ASB8: variants seen among roughly 807,000 people sequenced by gnomAD.
ASB8 encodes ankyrin repeat and SOCS box containing 8.
Under a neutral mutation model 22.9 loss-of-function variants are expected in ASB8, and 15 were observed. That is an observed-to-expected ratio of 0.66 (90% CI 0.44 to 1.01). ASB8 has a LOEUF of 1.01. Among genes scored for constraint, ASB8 ranks in the 50% least tolerant of loss-of-function variants. The probability of loss-of-function intolerance (pLI) is 0.00; values close to 1 mark genes in which losing one functional copy is unlikely to be tolerated. For synonymous variants in ASB8, 124 were observed against 140.8 expected, an observed-to-expected ratio of 0.88 and a Z score of 0.84; for missense variants, 294 against 356.9, an observed-to-expected ratio of 0.82 and a Z score of 1.42.
Position 48,149,198 on chromosome 12 carries a change from TGG to T in ASB8, c.*166_*167del. 2 of 694,714 alleles carry T rather than the reference TGG, an allele frequency of 2.9e-6. No individual in the cohort carries two copies. The highest frequency in any genetic ancestry group is 2.3e-6 in the Non-Finnish European group (1 of 436,222). The allele number at this position is 694,714 out of a possible 1,614,324, so 43.0% of individuals were successfully genotyped here. Reference sequence around the variant, plus strand: ...GAGGGATTTTTTTTGTTGGGTTGTTTGGTTTGGGAAGGGGAGGTGCTATGGAG... The same window carrying T: ...GAGGGATTTTTTTTGTTGGGTTGTTTTTTGGGAAGGGGAGGTGCTATGGAG... On this transcript the variant is annotated 3_prime_UTR_variant, in exon 4 of 4. Transcript: ENST00000317697.
At chr12:48,155,496 C>T (rs191788357) in intron 1 of ASB8, among the ~76,000 whole-genome samples, 77 of 152,014 alleles carry the variant, frequency 5.1e-4, no homozygotes, top group African/African-American at 1.5e-3. Context: ...CCGAGATGGG[C>T]GGATCACTTG....
intron 3 of ASB8, 120 bp from the exon 4 acceptor site, chr12:48,150,118 C>G (rs1396985794): frequency 9.5e-7 from 1 of 1,057,110 alleles, no homozygotes; most frequent in South Asian, 1.3e-5. Flanking sequence ...ACAGGAGGGT[C>G]AGCAAGCAAC....
Position 48,148,712 on chromosome 12 carries a change from G to A in ASB8, c.*654C>T, listed in dbSNP as rs535414183. ...CAGTTTTGCTCTTGTTGTCCAGGCT[G>A]GAGTGCAATGGCGCGATCTTGGCTC... On this transcript the variant is annotated 3_prime_UTR_variant, in exon 4 of 4. Coordinates refer to ENST00000317697, the MANE Select transcript of ASB8 (RefSeq NM_024095.5). The A allele has an allele frequency of 7.3e-6, 1 of 137,884 alleles. No individual in the cohort carries two copies. Among genetic ancestry groups the A allele is most frequent in the Non-Finnish European group, 1.5e-5 (1 of 66,392 alleles). 8.5% of individuals were successfully genotyped at this position (137,884 alleles called of 1,614,324 possible). A position where few individuals can be genotyped will look rare whatever the true frequency, so the allele number is the denominator to read the frequency against.
rs1341769081 is a variant in ASB8, at chr12:48,149,496, G to A, written c.737C>T (p.Ala246Val). ...LCEKLTVLCSAPGTLKTLARY... is the reference protein window; with the variant it reads ...LCEKLTVLCSVPGTLKTLARY... ...AGCGAGTGTTTTTAGAGTTCCTGGA[G>A]CTGAGCACAGAACAGTCAGTTTTTC... Residue 246 changes from alanine to valine, a missense_variant, in exon 4 of 4, where the codon GCT (alanine) becomes GTT (valine). By Grantham distance (64) the Ala-to-Val change is moderately conservative. Transcript: ENST00000317697. 6.2e-7 allele frequency: 1 copy of A among 1,614,198 alleles called. No individual in the cohort carries two copies. The highest frequency in any genetic ancestry group is 1.1e-5 in the South Asian group (1 of 91,086).
chr12:48,156,598 A>G (rs973645325), intron 1 of ASB8, among the ~76,000 whole-genome samples: 3 of 152,092 alleles, frequency 2.0e-5, no homozygotes, highest in Admixed American at 6.6e-5. Context: ...CCAAAACCCA[A>G]TCGTCTCTAC....
At chr12:48,150,604 A>G (rs1951184403) in intron 3 of ASB8, among the ~76,000 whole-genome samples, 1 of 152,244 alleles carries the variant, frequency 6.6e-6, no homozygotes, top group Admixed American at 6.5e-5. Flanking sequence ...AGTGCTGGAA[A>G]AGCAGCTGGC....
At chr12:48,150,383 A>G (rs1204071834) in intron 3 of ASB8, among the ~76,000 whole-genome samples, 4 of 152,244 alleles carry the variant, frequency 2.6e-5, no homozygotes. Flanking sequence ...TTGACTATAC[A>G]GAGTTTTGGA....
rs765580360 is a variant in ASB8, at chr12:48,149,461, C to T, written c.772G>A (p.Val258Met). 20 of 1,613,998 alleles carry T rather than the reference C, an allele frequency of 1.2e-5. No individual in the cohort carries two copies. The highest frequency in any genetic ancestry group is 8.9e-5 in the East Asian group (4 of 44,898). ...GTLKTLARYA[V>M]RRSLGLQYLP... ...TACTGGAGTCCCAGGCTACGGCGCA[C>T]GGCATAGCGAGCGAGTGTTTTTAGA... The change falls in exon 4 of 4, where the codon GTG (valine) becomes ATG (methionine). Residue 258 changes from valine to methionine, a missense_variant. Physicochemically the swap from Val to Met is conservative, Grantham distance 21 (BLOSUM62 1). Coordinates refer to ENST00000317697, the MANE Select transcript of ASB8 (RefSeq NM_024095.5).
chr12:48,149,550 C>A lies in ASB8; in HGVS notation c.683G>T (p.Arg228Leu). The change falls in exon 4 of 4, where the codon CGA (arginine) becomes CTA (leucine). Residue 228 changes from arginine (R) to leucine (L), a missense_variant. By Grantham distance (102) the Arg-to-Leu change is moderately radical (BLOSUM62 -2). Transcript: ENST00000317697. ...FELRKNGTMP[R>L]EVARDPQLCE... Reference sequence around the variant, plus strand: ...TAGCTGCGGGTCTCTGGCCACCTCTCGTGGCATGGTGCCATTTTTCCTCAA... The same window carrying A: ...TAGCTGCGGGTCTCTGGCCACCTCTAGTGGCATGGTGCCATTTTTCCTCAA... The A allele has an allele frequency of 6.2e-7, 1 of 1,614,144 alleles. No individual in the cohort carries two copies. Among genetic ancestry groups the A allele is most frequent in the African/African-American group, 1.3e-5 (1 of 75,044 alleles).
At chr12:48,150,980 G>T (rs546007906) in intron 3 of ASB8, 2 of 603,404 alleles carry the variant, frequency 3.3e-6, no homozygotes, top group South Asian at 4.0e-5. Context: ...TACAATGGGG[G>T]CAAGCAGGGT....
intron 2 of ASB8, 30 bp from the exon 3 acceptor site, chr12:48,151,335 T>A (rs1364830616): frequency 6.5e-7 from 1 of 1,547,578 alleles, no homozygotes; most frequent in African/African-American, 1.4e-5. Flanking sequence ...TCAGTCAGTG[T>A]GTTCAGCTCT....
Position 48,156,737 on chromosome 12 carries a change from C to T in ASB8, c.-34+722G>A, listed in dbSNP as rs568685420. ...CTCTTGGGCTCTGGGCTAAGAACTC[C>T]TGAGAGTATGGTCAGTGGTCTGCTG... is the stretch of plus-strand genomic sequence containing the variant. On this transcript the variant is annotated intron_variant, in intron 1 of 3. Transcript: ENST00000317697. 2.6e-5 allele frequency among the ~76,000 whole-genome samples: 4 copies of T among 152,240 alleles called. No individual in the cohort carries two copies. In the South Asian group the frequency reaches 8.3e-4, roughly 32 times the overall value.
chr12:48,152,037 C>T (rs527302050), intron 2 of ASB8, among the ~76,000 whole-genome samples: 29 of 151,930 alleles, frequency 1.9e-4, no homozygotes, highest in Admixed American at 4.6e-4. Context: ...CTGTAATCCC[C>T]GCTACTCGGG....
At chr12:48,154,547 T>C (rs1446289556) in intron 1 of ASB8, among the ~76,000 whole-genome samples, 2 of 148,662 alleles carry the variant, frequency 1.3e-5, no homozygotes, top group African/African-American at 5.0e-5. Context: ...AAAGCAAAAG[T>C]ATAACTACCC....
intron 2 of ASB8, 59 bp from the exon 3 acceptor site, chr12:48,151,364 G>T: frequency 7.2e-7 from 1 of 1,392,130 alleles, no homozygotes; most frequent in Non-Finnish European, 1.0e-6. Context: ...CAGCAGGACA[G>T]AATTCAGAAC....
In ASB8 at chr12:48,148,650, T is replaced by C. The variant is rs1951139334; in HGVS notation, c.*716A>G. On this transcript the variant is annotated 3_prime_UTR_variant, in exon 4 of 4. Transcript: ENST00000317697. The stretch of plus-strand genomic sequence containing the variant: ...TTTCTTAAGTTTTTTCACAGATCAA[T>C]TAAAATGGTTTTTTTTTTTTTTTTT... The C allele has an allele frequency of 1.4e-5, 2 of 144,292 alleles. No homozygotes were observed. Among genetic ancestry groups the C allele is most frequent in the Admixed American group, 7.2e-5 (1 of 13,896 alleles). The allele number at this position is 144,292 out of a possible 1,614,324, so 8.9% of individuals were successfully genotyped here. A position where few individuals can be genotyped will look rare whatever the true frequency, so the allele number is the denominator to read the frequency against.
At chr12:48,155,745 ATAT>A (rs1951292743) in intron 1 of ASB8, among the ~76,000 whole-genome samples, 1 of 131,064 alleles carries the variant, frequency 7.6e-6, no homozygotes, top group Non-Finnish European at 1.7e-5. Flanking sequence ...AAAAAAAAAT[ATAT>A]ATATATATAT....
At chr12:48,151,865 G>C (rs2136077961) in intron 2 of ASB8, among the ~76,000 whole-genome samples, 1 of 152,194 alleles carries the variant, frequency 6.6e-6, no homozygotes, top group South Asian at 2.1e-4. Flanking sequence ...CAAAATCAAA[G>C]GAGAGGCCGA....
chr12:48,151,058 A>G (rs1182024830), intron 3 of ASB8, 143 bp downstream of exon 3: 1 of 660,958 alleles, frequency 1.5e-6, no homozygotes, highest in East Asian at 2.7e-5. Context: ...ATTTTCCTTA[A>G]TATTGGCTAT....
Sources: allele counts gnomAD v4.1 joint callset (sites outside exome capture counted in the v4.1 genomes callset), GRCh38; gene constraint gnomAD v4.1.1; transcripts MANE v1.5; gene names NCBI Gene and HGNC (gene_info 2026-07-23, HGNC 2026-07-21).